Variants in PRKN observed in about 807,000 individuals in gnomAD.
PRKN encodes E3 ubiquitin-protein ligase parkin.
In PRKN, 56 loss-of-function variants were observed where a neutral mutation model predicts 59.5. The ratio of observed to expected loss-of-function variants is 0.94; its 90% confidence interval spans 0.76 to 1.18. The LOEUF (loss-of-function observed/expected upper bound fraction) is 1.18. PRKN is among the 50% of genes most tolerant of loss of function. The pLI is 0.00. For missense variants in PRKN, 657 were observed against 596.4 expected, an observed-to-expected ratio of 1.10 and a Z score of -1.06; for synonymous variants, 250 against 222.1, an observed-to-expected ratio of 1.13 and a Z score of -1.12.
intron 1 of PRKN, among the ~76,000 whole-genome samples, chr6:162,599,400 T>G (rs1048539623): frequency 6.6e-6 from 1 of 152,142 alleles, no homozygotes; most frequent in Non-Finnish European, 1.5e-5. Context: ...TTTGCGTGTC[T>G]TTTGTCCAGA....
At chr6:162,609,540 A>G (rs187534970) in intron 1 of PRKN, among the ~76,000 whole-genome samples, 3 of 152,294 alleles carry the variant, frequency 2.0e-5, no homozygotes, top group African/African-American at 7.2e-5. Context: ...TATCACTAAC[A>G]CTGATATCAA....
intron 7 of PRKN, among the ~76,000 whole-genome samples, chr6:161,759,307 A>G (rs945296839): frequency 1.3e-5 from 2 of 152,194 alleles, no homozygotes; most frequent in Admixed American, 6.5e-5. Flanking sequence ...CTTCCCCCTC[A>G]GTAACTAGGA....
At chr6:161,368,381 T>TTATATATA (rs1562399363) in intron 10 of PRKN, among the ~76,000 whole-genome samples, 1 of 70,808 alleles carries the variant, frequency 1.4e-5, no homozygotes, top group Non-Finnish European at 3.0e-5. Context: ...ACCTCAGTCT[T>TTATATATA]GATATATATA....
At chr6:162,321,665 C>A (rs748429944) in intron 2 of PRKN, among the ~76,000 whole-genome samples, 1 of 151,944 alleles carries the variant, frequency 6.6e-6, no homozygotes, top group Non-Finnish European at 1.5e-5. Flanking sequence ...TACATTGTGA[C>A]TGAATGGGGT....
At chr6:162,415,069 T>C (rs17529632) in intron 2 of PRKN, among the ~76,000 whole-genome samples, 83,532 of 151,912 alleles carry the variant, frequency 0.55, 23,932 homozygotes, top group African/African-American at 0.71. Context: ...TCAAAAACAA[T>C]AGGATTCTAC....
chr6:161,464,003 C>T (rs1486508090), intron 9 of PRKN, among the ~76,000 whole-genome samples: 1 of 151,940 alleles, frequency 6.6e-6, no homozygotes, highest in Non-Finnish European at 1.5e-5. Context: ...GCTCTTGTTG[C>T]CCAGGCTGAA....
At chr6:162,258,042 GCTCACGAGTTGCTGTCGC>G (rs1309577963) in intron 3 of PRKN, among the ~76,000 whole-genome samples, 1 of 152,132 alleles carries the variant, frequency 6.6e-6, no homozygotes, top group East Asian at 1.9e-4. Flanking sequence ...CCTGCCTGGG[GCTCACGAGTTGCTGTCGC>G]CTCTGCCATT....
intron 9 of PRKN, among the ~76,000 whole-genome samples, chr6:161,520,225 C>CTTTTT (rs76575980): frequency 5.9e-5 from 3 of 50,780 alleles, no homozygotes; most frequent in South Asian, 7.2e-4. Context: ...TCTCTCTATG[C>CTTTTT]ATTTTTTTTT....
chr6:161,883,231 G>A (rs1348322324), intron 6 of PRKN, among the ~76,000 whole-genome samples: 2 of 152,014 alleles, frequency 1.3e-5, no homozygotes, highest in African/African-American at 2.4e-5. Context: ...GCCAGGCATG[G>A]TGGCTCATGC....
At chr6:161,510,904 G>A (rs922865893) in intron 9 of PRKN, among the ~76,000 whole-genome samples, 9 of 152,172 alleles carry the variant, frequency 5.9e-5, no homozygotes, top group African/African-American at 1.4e-4. Flanking sequence ...GGTGTTGACC[G>A]TATTGAGCGT....
intron 2 of PRKN, among the ~76,000 whole-genome samples, chr6:162,362,373 A>C (rs1473914296): frequency 6.6e-6 from 1 of 152,164 alleles, no homozygotes. Context: ...CTACAACTCA[A>C]AATAGTATAA....
At chr6:162,641,939 C>T (rs1777979665) in intron 1 of PRKN, among the ~76,000 whole-genome samples, 1 of 152,066 alleles carries the variant, frequency 6.6e-6, no homozygotes, top group African/African-American at 2.4e-5. Flanking sequence ...AATTTGTTTC[C>T]TCAAACACTC....
At chr6:162,720,806 A>G (rs556481583) in intron 1 of PRKN, among the ~76,000 whole-genome samples, 2 of 152,314 alleles carry the variant, frequency 1.3e-5, no homozygotes, top group African/African-American at 4.8e-5. Flanking sequence ...TCTAAGAGGA[A>G]GAAACTATTC....
At chr6:161,509,367 C>A (rs143317298) in intron 9 of PRKN, among the ~76,000 whole-genome samples, 2 of 151,960 alleles carry the variant, frequency 1.3e-5, no homozygotes, top group Non-Finnish European at 2.9e-5. Flanking sequence ...ATTCTGAGAT[C>A]AAAAAGAATG....
At chr6:162,325,416 C>T (rs1345977839) in intron 2 of PRKN, among the ~76,000 whole-genome samples, 1 of 152,154 alleles carries the variant, frequency 6.6e-6, no homozygotes, top group African/African-American at 2.4e-5. Flanking sequence ...GAAACAGCCT[C>T]AATTTACTAT....
At chr6:162,298,254 G>A (rs965027412) in intron 2 of PRKN, among the ~76,000 whole-genome samples, 1 of 151,918 alleles carries the variant, frequency 6.6e-6, no homozygotes, top group Non-Finnish European at 1.5e-5. Context: ...CTCTGGTTCC[G>A]GTGGGGACTG....
intron 7 of PRKN, among the ~76,000 whole-genome samples, chr6:161,694,758 T>A (rs1047717343): frequency 3.9e-5 from 6 of 152,190 alleles, no homozygotes; most frequent in Non-Finnish European, 8.8e-5. Flanking sequence ...ACTCCCTGTT[T>A]GCTAACATGA....
Position 162,266,718 on chromosome 6 carries a change from T to C in PRKN, c.172-3953A>G, listed in dbSNP as rs1780154431. ...GCCATTGACAATAATATATCAACTTTGAAGGCTGTTTTGAAGATTTAAGGA... is the reference window on the plus strand; with the variant it reads ...GCCATTGACAATAATATATCAACTTCGAAGGCTGTTTTGAAGATTTAAGGA... On this transcript the variant is annotated intron_variant, in intron 2 of 11. Coordinates refer to ENST00000366898, the MANE Select transcript of PRKN (RefSeq NM_004562.3). 2.0e-5 allele frequency among the ~76,000 whole-genome samples: 3 copies of C among 152,298 alleles called. No individual in the cohort carries two copies. In the South Asian group the frequency reaches 6.2e-4, roughly 32 times the overall value.
intron 9 of PRKN, among the ~76,000 whole-genome samples, chr6:161,486,901 C>CT (rs1562481363): frequency 6.6e-6 from 1 of 152,148 alleles, no homozygotes; most frequent in Non-Finnish European, 1.5e-5. Flanking sequence ...TTGCTTTGTG[C>CT]TAGCAGGACC....
Sources: gnomAD v4.1 joint callset for allele counts (sites outside exome capture counted in the v4.1 genomes callset) on GRCh38, gnomAD v4.1.1 for gene constraint, MANE v1.5 for transcripts, NCBI Gene and HGNC (gene_info 2026-07-23, HGNC 2026-07-21) for gene names.